Variants in VPS53 observed in about 807,000 individuals in gnomAD.
VPS53 encodes the protein VPS53 subunit of GARP complex.
Under a neutral mutation model 107.0 loss-of-function variants are expected in VPS53, and 70 were observed. That is an observed-to-expected ratio of 0.65 (90% CI 0.54 to 0.80). The LOEUF is 0.80. Among genes scored for constraint, VPS53 ranks in the 30% least tolerant of loss-of-function variants. The pLI is 0.00. For missense variants in VPS53, 917 were observed against 1,049.4 expected (o/e 0.87, Z 1.74); for synonymous variants, 409 against 393.3 (o/e 1.04, Z -0.47).
intron 13 of VPS53, among the ~76,000 whole-genome samples, chr17:569,915 A>G (rs551133370): frequency 1.3e-5 from 2 of 151,990 alleles, no homozygotes; most frequent in South Asian, 2.1e-4. Flanking sequence ...AAAAAAAAAA[A>G]AAGAAGAAAA....
chr17:551,996 C>T lies in VPS53; in HGVS notation c.1788-46G>A, dbSNP rs374954709. ...TGTGGTCACCCTTTCAAACAACGGCCGTCTGAATGACTGACACTCAGGCCC... is the reference window on the plus strand; with the variant it reads ...TGTGGTCACCCTTTCAAACAACGGCTGTCTGAATGACTGACACTCAGGCCC... On this transcript the variant is annotated intron_variant, in intron 16 of 21. Transcript: ENST00000437048. 218 of 1,505,022 alleles carry T rather than the reference C, an allele frequency of 1.4e-4. 1 individual carries two copies. Among genetic ancestry groups the T allele is most frequent in the Middle Eastern group, 3.4e-4 (2 of 5,844 alleles). The allele number at this position is 1,505,022 out of a possible 1,614,324, so 93.2% of individuals were successfully genotyped here.
chr17:558,559 G>A lies in VPS53; in HGVS notation c.1704+1867C>T, dbSNP rs753100313. On this transcript the variant is annotated intron_variant, in intron 15 of 21. Coordinates refer to ENST00000437048, the MANE Select transcript of VPS53 (RefSeq NM_001128159.3). The stretch of plus-strand genomic sequence containing the variant: ...TGAGGCAGGAGAATGGCGAGAACCC[G>A]GCAGGGGGAGCTTGCAGTGAGCCGA... Among the ~76,000 whole-genome samples, 8 of 152,316 alleles carry A rather than the reference G, an allele frequency of 5.3e-5. No individual in the cohort carries two copies. The South Asian group carries it at 1.2e-3, about 24-fold the overall frequency.
chr17:683,871 AAAC>A (rs1337683418), intron 4 of VPS53, among the ~76,000 whole-genome samples: 1 of 152,204 alleles, frequency 6.6e-6, no homozygotes, highest in African/African-American at 2.4e-5. Context: ...GAAAACTGAC[AAAC>A]AATAAAAATA....
chr17:714,590 C>T, intron 1 of VPS53, 33 bp downstream of exon 1: 1 of 1,587,392 alleles, frequency 6.3e-7, no homozygotes, highest in South Asian at 1.1e-5. Context: ...CTCCCGCACT[C>T]CCGTTTCCCC....
In VPS53 at chr17:574,394, C is replaced by T. The variant is rs550293091; in HGVS notation, c.1314-11649G>A. 5.3e-5 allele frequency among the ~76,000 whole-genome samples: 8 copies of T among 152,230 alleles called. No individual in the cohort carries two copies. In the East Asian group the frequency reaches 1.2e-3, roughly 22 times the overall value. On this transcript the variant is annotated intron_variant, in intron 13 of 21. Coordinates refer to ENST00000437048, the MANE Select transcript of VPS53 (RefSeq NM_001128159.3). Reference sequence around the variant, plus strand: ...GTGAAAAGAGTGGATGCCAGAATTACAATAACTCAGAAAAATGACCCTTTA... The same window carrying T: ...GTGAAAAGAGTGGATGCCAGAATTATAATAACTCAGAAAAATGACCCTTTA...
Position 519,878 on chromosome 17 carries a change from T to C in VPS53, c.2276A>G (p.Lys759Arg). 1.3e-6 allele frequency: 2 copies of C among 1,551,700 alleles called. No homozygotes were observed. Among genetic ancestry groups the C allele is most frequent in the African/African-American group, 2.7e-5 (2 of 73,152 alleles). ...PLVVFVDNYI[K>R]LLTDCNTETF... ...TTCTGTGTTGCAGTCTGTGAGAAGTTTGATGTAGTTGTCAACAAACACCAC... is the reference window on the plus strand; with the variant it reads ...TTCTGTGTTGCAGTCTGTGAGAAGTCTGATGTAGTTGTCAACAAACACCAC... The change falls in exon 21 of 22, where the codon AAA (lysine) becomes AGA (arginine). Residue 759 changes from lysine (K) to arginine (R), a missense_variant. By Grantham distance (26) the Lys-to-Arg change is conservative. Transcript: ENST00000437048. The surrounding 1 kb of genome is among the most constrained non-coding windows in gnomAD (Gnocchi z 5.0).
chr17:708,576 C>T (rs1973505551), intron 2 of VPS53, among the ~76,000 whole-genome samples: 1 of 152,166 alleles, frequency 6.6e-6, no homozygotes, highest in Admixed American at 6.5e-5. Flanking sequence ...TGGGGAATGT[C>T]AGGCCCCCCA....
At chr17:651,661 T>C (rs971136666) in intron 7 of VPS53, among the ~76,000 whole-genome samples, 2 of 152,224 alleles carry the variant, frequency 1.3e-5, no homozygotes, top group South Asian at 2.1e-4. Flanking sequence ...CAAAGAAGCC[T>C]GTAGCATTCG....
intron 11 of VPS53, among the ~76,000 whole-genome samples, chr17:615,239 G>A (rs1392225585): frequency 6.6e-6 from 1 of 152,206 alleles, no homozygotes; most frequent in Non-Finnish European, 1.5e-5. Flanking sequence ...TTACAGCACA[G>A]GACATCGTGA....
At chr17:597,375 G>A (rs1968024119) in intron 12 of VPS53, among the ~76,000 whole-genome samples, 1 of 152,204 alleles carries the variant, frequency 6.6e-6, no homozygotes, top group South Asian at 2.1e-4. Context: ...ACTCTGGGAA[G>A]AGGGAGATCC....
chr17:713,620 C>A (rs1973722228), intron 1 of VPS53, among the ~76,000 whole-genome samples: 2 of 151,788 alleles, frequency 1.3e-5, no homozygotes, highest in South Asian at 4.2e-4. Context: ...CCCCTACACT[C>A]CAACCTGGGC....
chr17:544,017 G>GGGAA (rs1555549694), intron 17 of VPS53, among the ~76,000 whole-genome samples: 3 of 99,798 alleles, frequency 3.0e-5, no homozygotes, highest in African/African-American at 2.7e-4. Context: ...GAGGGAGTGA[G>GGGAA]GAAGGCAGGG....
At chr17:667,495 G>C (rs189138964) in intron 4 of VPS53, among the ~76,000 whole-genome samples, 1,436 of 89,694 alleles carry the variant, frequency 0.016, 13 homozygotes, top group Middle Eastern at 0.05. Flanking sequence ...ATAATGTTCT[G>C]GGGGGGGCAA....
intron 18 of VPS53, among the ~76,000 whole-genome samples, chr17:536,100 A>G (rs1347354656): frequency 6.6e-6 from 1 of 152,188 alleles, no homozygotes; most frequent in Non-Finnish European, 1.5e-5. Flanking sequence ...GTGCTAAGCC[A>G]GATGGTGATC....
chr17:551,824 T>C (rs1028451507), intron 17 of VPS53, 48 bp downstream of exon 17: 17 of 1,508,150 alleles, frequency 1.1e-5, no homozygotes, highest in Non-Finnish European at 1.5e-5. Context: ...AGAAGCCACC[T>C]TGGGCTGCTC....
chr17:579,798 C>T (rs1044380427), intron 13 of VPS53, among the ~76,000 whole-genome samples: 6 of 151,244 alleles, frequency 4.0e-5, no homozygotes, highest in African/African-American at 1.5e-4. Context: ...TAACAGAGAA[C>T]CACCCTCAGG....
intron 11 of VPS53, among the ~76,000 whole-genome samples, chr17:623,256 G>A (rs1238136170): frequency 6.6e-6 from 1 of 152,080 alleles, no homozygotes; most frequent in East Asian, 1.9e-4. Context: ...ACTGAGTAAG[G>A]CCTCTGACTC....
chr17:660,962 C>T (rs1971412673), intron 5 of VPS53, among the ~76,000 whole-genome samples: 1 of 152,042 alleles, frequency 6.6e-6, no homozygotes, highest in Non-Finnish European at 1.5e-5. Flanking sequence ...GCTGGATTCT[C>T]GGTCTTCGGG....
At chr17:588,484 A>G (rs12600493) in intron 12 of VPS53, among the ~76,000 whole-genome samples, 8,850 of 152,266 alleles carry the variant, frequency 0.058, 525 homozygotes, top group East Asian at 0.3. Context: ...ACACGTTGCA[A>G]TGGTTAAAAA....
Sources: gnomAD v4.1 joint callset for allele counts (sites outside exome capture counted in the v4.1 genomes callset) on GRCh38, gnomAD v4.1.1 for gene constraint, Gnocchi (gnomAD v3.1) non-coding constraint, MANE v1.5 for transcripts, NCBI Gene and HGNC (gene_info 2026-07-23, HGNC 2026-07-21) for gene names.